Variants in SLC9A9 observed in about 807,000 individuals in gnomAD.
SLC9A9 encodes sodium/hydrogen exchanger 9.
In SLC9A9, 62 loss-of-function variants were observed where a neutral mutation model predicts 77.8. The ratio of observed to expected loss-of-function variants is 0.80; its 90% CI spans 0.65 to 0.98. The LOEUF (loss-of-function observed/expected upper bound fraction) is 0.98, where lower values mean the gene tolerates loss of function less well. Among genes scored for constraint, SLC9A9 ranks in the 50% least tolerant of loss-of-function variants. SLC9A9 has a pLI of 0.00. For synonymous variants in SLC9A9, 320 were observed against 283.5 expected (o/e 1.13, Z -1.29); for missense variants, 775 against 774.9 (o/e 1.00, Z 0.00).
intron 8 of SLC9A9, among the ~76,000 whole-genome samples, chr3:143,555,262 C>A (rs1414631195): frequency 6.6e-6 from 1 of 152,196 alleles, no homozygotes; most frequent in African/African-American, 2.4e-5. Flanking sequence ...TCACCTTCCA[C>A]CATGATTGTG....
At chr3:143,606,681 T>C (rs762898466) in intron 6 of SLC9A9, among the ~76,000 whole-genome samples, 3 of 151,228 alleles carry the variant, frequency 2.0e-5, no homozygotes, top group African/African-American at 4.9e-5. Flanking sequence ...GTGTAAACCA[T>C]AGGCAATAAA....
chr3:143,437,796 G>A (rs925615837), intron 12 of SLC9A9, among the ~76,000 whole-genome samples: 1 of 152,134 alleles, frequency 6.6e-6, no homozygotes, highest in African/African-American at 2.4e-5. Context: ...GAAAAATAGC[G>A]CTTATGAGTG....
chr3:143,579,416 G>A (rs528497109), intron 6 of SLC9A9, among the ~76,000 whole-genome samples: 1 of 152,226 alleles, frequency 6.6e-6, no homozygotes, highest in African/African-American at 2.4e-5. Flanking sequence ...TAGGCAGTCT[G>A]TTCACTTAAA....
At chr3:143,549,985 T>G (rs1234039279) in intron 9 of SLC9A9, among the ~76,000 whole-genome samples, 3 of 152,126 alleles carry the variant, frequency 2.0e-5, no homozygotes, top group Non-Finnish European at 4.4e-5. Context: ...TTTGGGGGGC[T>G]TTTTTCTTTT....
chr3:143,759,063 G>A (rs2007025315), intron 4 of SLC9A9, among the ~76,000 whole-genome samples: 1 of 152,144 alleles, frequency 6.6e-6, no homozygotes, highest in South Asian at 2.1e-4. Flanking sequence ...TCATTTTACA[G>A]TGAAGAAACT....
intron 9 of SLC9A9, among the ~76,000 whole-genome samples, chr3:143,534,341 AGT>A: frequency 6.6e-6 from 1 of 152,368 alleles, no homozygotes; most frequent in East Asian, 1.9e-4. Flanking sequence ...AAGTTAAAAA[AGT>A]GTGACCATGA....
At chr3:143,695,664 T>C (rs1312845359) in intron 4 of SLC9A9, among the ~76,000 whole-genome samples, 1 of 152,214 alleles carries the variant, frequency 6.6e-6, no homozygotes, top group African/African-American at 2.4e-5. Flanking sequence ...TGTGTCTTTA[T>C]AGCAGAATGA....
intron 4 of SLC9A9, among the ~76,000 whole-genome samples, chr3:143,708,257 C>A (rs1424830670): frequency 5.9e-5 from 9 of 152,252 alleles, no homozygotes; most frequent in Admixed American, 4.6e-4. Flanking sequence ...GAAAGGGGAT[C>A]CTTTCCACAG....
intron 6 of SLC9A9, among the ~76,000 whole-genome samples, chr3:143,609,980 C>T (rs1437696353): frequency 6.6e-6 from 1 of 152,038 alleles, no homozygotes; most frequent in East Asian, 1.9e-4. Context: ...TCAAAATTCC[C>T]ATAGGTATTT....
chr3:143,323,695 C>T lies in SLC9A9; in HGVS notation c.1604+39789G>A, dbSNP rs138246950. ...GTGACTATACTTAAGAAAAATATAT[C>T]GTACTCAAGTGATGAACACCTAAAC... is the stretch of plus-strand genomic sequence containing the variant. On this transcript the variant is annotated intron_variant, in intron 14 of 15. Coordinates refer to ENST00000316549, the MANE Select transcript of SLC9A9 (RefSeq NM_173653.4). 5.7e-3 allele frequency among the ~76,000 whole-genome samples: 874 copies of T among 152,168 alleles called. 10 individuals are homozygous for T. Among genetic ancestry groups the T allele is most frequent in the African/African-American group, 0.019 (781 of 41,520 alleles).
At chr3:143,432,105 A>G (rs1242643182) in intron 12 of SLC9A9, among the ~76,000 whole-genome samples, 1 of 152,062 alleles carries the variant, frequency 6.6e-6, no homozygotes, top group East Asian at 1.9e-4. Context: ...TAATTTGCCC[A>G]TTTGTTAAGC....
intron 5 of SLC9A9, among the ~76,000 whole-genome samples, chr3:143,689,980 T>A (rs1933406854): frequency 1.3e-5 from 2 of 151,884 alleles, no homozygotes; most frequent in African/African-American, 4.8e-5. Flanking sequence ...ATTTTAAAAA[T>A]TAAAAATAAA....
In SLC9A9 at chr3:143,832,137, G is replaced by A. The variant is rs780567705; in HGVS notation, c.260C>T (p.Thr87Ile). The change falls in exon 2 of 16, where the codon ACT becomes ATT. Residue 87 changes from threonine (T) to isoleucine (I), a missense_variant. Physicochemically the swap from Thr to Ile is moderately conservative, Grantham distance 89 (BLOSUM62 -1). Coordinates refer to ENST00000316549, the MANE Select transcript of SLC9A9 (RefSeq NM_173653.4). Reference sequence around the variant, plus strand: ...AACCAGCAGAGTTGATGGACTGAAAGTTAGTTTTACACAGTCATAGACAGT... The same window carrying A: ...AACCAGCAGAGTTGATGGACTGAAAATTAGTTTTACACAGTCATAGACAGT... ...SGTVYDCVKL[T>I]FSPSTLLVNI... 5.6e-6 allele frequency: 9 copies of A among 1,613,134 alleles called. No homozygotes were observed. In the African/African-American group the frequency reaches 9.4e-5, roughly 17 times the overall value.
chr3:143,584,541 G>C (rs149010823), intron 6 of SLC9A9, among the ~76,000 whole-genome samples: 171 of 152,300 alleles, frequency 1.1e-3, no homozygotes, highest in African/African-American at 4.0e-3. Flanking sequence ...GAAAAAATGA[G>C]AAAATGATTA....
chr3:143,601,873 C>T (rs545896291), intron 6 of SLC9A9, among the ~76,000 whole-genome samples: 105 of 149,838 alleles, frequency 7.0e-4, no homozygotes, highest in African/African-American at 2.5e-3. Flanking sequence ...TTGTGCCATG[C>T]CCCCCACTGT....
intron 4 of SLC9A9, among the ~76,000 whole-genome samples, chr3:143,789,730 A>T (rs1435341394): frequency 6.6e-6 from 1 of 152,076 alleles, no homozygotes; most frequent in East Asian, 1.9e-4. Flanking sequence ...ACAGTGGCAC[A>T]CAAGAGGGCA....
At chr3:143,389,527 C>G (rs1301681561) in intron 12 of SLC9A9, among the ~76,000 whole-genome samples, 1 of 152,192 alleles carries the variant, frequency 6.6e-6, no homozygotes, top group Non-Finnish European at 1.5e-5. Flanking sequence ...GAAGGAGAAG[C>G]ATGTGCCTGG....
rs570204486 is a variant in SLC9A9, at chr3:143,618,729, C to T, written c.755+33526G>A. 3.2e-3 allele frequency among the ~76,000 whole-genome samples: 484 copies of T among 152,278 alleles called. 2 individuals carry two copies. The highest frequency in any genetic ancestry group is 5.8e-3 in the Non-Finnish European group (394 of 68,022). On this transcript the variant is annotated intron_variant, in intron 6 of 15. Coordinates refer to ENST00000316549, the MANE Select transcript of SLC9A9 (RefSeq NM_173653.4). ...ATCCTGATGAGCCTTCAAAGATATC[C>T]TCATCTAACAGTAAGAAGTATCACC...
intron 4 of SLC9A9, among the ~76,000 whole-genome samples, chr3:143,769,364 G>T (rs955050354): frequency 1.4e-4 from 21 of 151,982 alleles, no homozygotes; most frequent in Admixed American, 6.6e-4. Context: ...CCCCTTGATG[G>T]ATTCATGTAA....
Sources: gnomAD v4.1 joint callset for allele counts (sites outside exome capture counted in the v4.1 genomes callset) on GRCh38, gnomAD v4.1.1 for gene constraint, MANE v1.5 for transcripts, NCBI Gene and HGNC (gene_info 2026-07-23, HGNC 2026-07-21) for gene names.